The following FBXL17 variants were observed in gnomAD, a reference collection of about 807,000 sequenced individuals.
The protein encoded by FBXL17 is F-box/LRR-repeat protein 17.
FBXL17 carries 22 observed loss-of-function variants against 66.2 expected under a neutral mutation model. That is an observed-to-expected ratio of 0.33 (90% confidence interval 0.24 to 0.47). The LOEUF is 0.47. Ranked by LOEUF, FBXL17 falls within the 20% of genes least tolerant of loss-of-function variation. FBXL17 has a pLI of 1.00. For missense variants in FBXL17, 878 were observed against 948.2 expected, an observed-to-expected ratio of 0.93 and a Z score of 0.97; for synonymous variants, 474 against 400.5, an observed-to-expected ratio of 1.18 and a Z score of -2.19.
chr5:108,371,653 C>A lies in FBXL17; in HGVS notation c.994-3700G>T, dbSNP rs78497549. Among the ~76,000 whole-genome samples, 851 of 151,850 alleles carry A rather than the reference C, an allele frequency of 5.6e-3. 26 individuals carry two copies. In the East Asian group the frequency reaches 0.099, roughly 18 times the overall value. On this transcript the variant is annotated intron_variant, in intron 1 of 8. Coordinates refer to ENST00000542267, the MANE Select transcript of FBXL17 (RefSeq NM_001163315.3). ...TCACAGAGCTAAAGAAAACCGTGGACAAAGAACTAAAGGAAATTATGAGAA... is the reference window on the plus strand; with the variant it reads ...TCACAGAGCTAAAGAAAACCGTGGAAAAAGAACTAAAGGAAATTATGAGAA...
chr5:108,357,585 T>C (rs561606491), intron 3 of FBXL17, among the ~76,000 whole-genome samples: 1 of 152,118 alleles, frequency 6.6e-6, no homozygotes, highest in Non-Finnish European at 1.5e-5. Context: ...TTCCAGGCCA[T>C]AAAACACACA....
chr5:108,021,907 T>C (rs1003288607), intron 6 of FBXL17, among the ~76,000 whole-genome samples: 7 of 151,836 alleles, frequency 4.6e-5, no homozygotes, highest in African/African-American at 9.7e-5. Context: ...TTCTAGGAAG[T>C]AAGGATCAAG....
chr5:108,281,723 A>G (rs1378728488), intron 4 of FBXL17, among the ~76,000 whole-genome samples: 1 of 151,904 alleles, frequency 6.6e-6, no homozygotes, highest in East Asian at 1.9e-4. Context: ...TAAAAAATAC[A>G]AAGGATCAAC....
Position 108,136,400 on chromosome 5 carries a change from G to C in FBXL17, c.1745+49717C>G, listed in dbSNP as rs117845664. Among the ~76,000 whole-genome samples, 109 of 152,232 alleles carry C rather than the reference G, an allele frequency of 7.2e-4. No individual in the cohort carries two copies. The East Asian group carries it at 0.02, about 29-fold the overall frequency. The stretch of plus-strand genomic sequence containing the variant: ...CCAAAACCAACAAGTCACAATGATA[G>C]CAAGTTTCTGTAATACATTTCTGGG... On this transcript the variant is annotated intron_variant, in intron 6 of 8. Coordinates refer to ENST00000542267, the MANE Select transcript of FBXL17 (RefSeq NM_001163315.3).
intron 7 of FBXL17, among the ~76,000 whole-genome samples, chr5:107,997,139 G>A (rs893311137): frequency 2.0e-5 from 3 of 152,080 alleles, no homozygotes; most frequent in Non-Finnish European, 4.4e-5. Flanking sequence ...ACATCGTAGC[G>A]GAAAGTTTAG....
chr5:108,345,759 C>T (rs1257989098), intron 4 of FBXL17, among the ~76,000 whole-genome samples: 1 of 151,916 alleles, frequency 6.6e-6, no homozygotes, highest in Non-Finnish European at 1.5e-5. Flanking sequence ...AAAGACAATG[C>T]TGCCATCTAA....
chr5:108,287,001 A>G (rs975130698), intron 4 of FBXL17, among the ~76,000 whole-genome samples: 1 of 152,062 alleles, frequency 6.6e-6, no homozygotes, highest in Non-Finnish European at 1.5e-5. Context: ...CTAATCTTCA[A>G]CAAAGTCAAC....
intron 4 of FBXL17, among the ~76,000 whole-genome samples, chr5:108,318,076 C>A (rs1402746699): frequency 3.3e-5 from 5 of 151,422 alleles, no homozygotes; most frequent in Non-Finnish European, 7.4e-5. Context: ...CTAAAAAAAA[C>A]TATAAACATT....
In FBXL17 at chr5:108,381,560, C is replaced by T. The variant is rs1216473537; in HGVS notation, c.132G>A (p.Gln44=). The T allele has an allele frequency of 4.2e-6, 6 of 1,435,202 alleles. No individual in the cohort carries two copies. The highest frequency in any genetic ancestry group is 3.0e-5 in the East Asian group (1 of 33,840). The allele number at this position is 1,435,202 out of a possible 1,614,324, so 88.9% of individuals were successfully genotyped here. A position where few individuals can be genotyped will look rare whatever the true frequency, so the allele number is the denominator to read the frequency against. The change falls in exon 1 of 9, where the codon CAG becomes CAA. Residue 44 remains glutamine, a synonymous_variant. Coordinates refer to ENST00000542267, the MANE Select transcript of FBXL17 (RefSeq NM_001163315.3). ...PRRTPAKVPP[Q]PAAPRSRDCF... is the part of the protein sequence containing the mutation. ...AGTCCCGGCTCCGGGGCGCCGCCGG[C>T]TGAGGGGGCACCTTGGCTGGGGTCC...
Position 108,381,053 on chromosome 5 carries a change from G to T in FBXL17, c.639C>A (p.Pro213=). 2 of 1,215,552 alleles carry T rather than the reference G, an allele frequency of 1.6e-6. No homozygotes were observed. Among genetic ancestry groups the T allele is most frequent in the Non-Finnish European group, 2.0e-6 (2 of 978,136 alleles). 75.3% of individuals were successfully genotyped at this position (1,215,552 alleles called of 1,614,324 possible). A position where few individuals can be genotyped will look rare whatever the true frequency, so the allele number is the denominator to read the frequency against. The part of the protein sequence containing the change: ...GVPACTPCKQ[P]RCGGGGCGGG... ...CGCCGCAGCCCCCGCCGCCGCAGCG[G>T]GGCTGCTTGCAGGGGGTGCAGGCGG... is the stretch of plus-strand genomic sequence containing the variant. Residue 213 remains proline (P), a synonymous_variant, in exon 1 of 9, where the codon CCC becomes CCA. Transcript: ENST00000542267.
chr5:108,270,498 A>C (rs1485671606), intron 4 of FBXL17, among the ~76,000 whole-genome samples: 1 of 149,928 alleles, frequency 6.7e-6, no homozygotes, highest in African/African-American at 2.4e-5. Flanking sequence ...CATATTTAGC[A>C]ACAATTGTAA....
intron 6 of FBXL17, among the ~76,000 whole-genome samples, chr5:108,180,922 T>C (rs552609305): frequency 6.6e-4 from 101 of 152,276 alleles, no homozygotes; most frequent in African/African-American, 2.3e-3. Context: ...TAGGATTAAA[T>C]AAACTAAGTT....
intron 6 of FBXL17, among the ~76,000 whole-genome samples, chr5:108,060,666 T>C (rs985883359): frequency 1.2e-4 from 19 of 152,110 alleles, no homozygotes; most frequent in African/African-American, 4.6e-4. Flanking sequence ...TCAGTTCCCA[T>C]AGAACTCTCT....
chr5:107,866,227 G>A (rs908697847), intron 8 of FBXL17, among the ~76,000 whole-genome samples: 2 of 151,980 alleles, frequency 1.3e-5, no homozygotes, highest in African/African-American at 2.4e-5. Context: ...GAAATATGCC[G>A]CACTGTCATT....
intron 4 of FBXL17, among the ~76,000 whole-genome samples, chr5:108,307,043 G>A (rs998483330): frequency 1.3e-5 from 2 of 151,900 alleles, no homozygotes; most frequent in Non-Finnish European, 2.9e-5. Flanking sequence ...GTAATAGTCT[G>A]AAATCATCAG....
intron 4 of FBXL17, among the ~76,000 whole-genome samples, chr5:108,303,451 A>G (rs1234159579): frequency 1.3e-5 from 2 of 151,626 alleles, no homozygotes; most frequent in African/African-American, 2.4e-5. Flanking sequence ...TGGTCTTCCA[A>G]TTTAAGACTA....
intron 3 of FBXL17, among the ~76,000 whole-genome samples, chr5:108,353,472 T>A (rs1030492784): frequency 6.6e-6 from 1 of 152,216 alleles, no homozygotes; most frequent in Non-Finnish European, 1.5e-5. Context: ...ACAGGAGCTC[T>A]ACCAGGTCTT....
intron 1 of FBXL17, among the ~76,000 whole-genome samples, chr5:108,373,318 A>AT (rs1749181427): frequency 1.6e-5 from 2 of 127,640 alleles, no homozygotes; most frequent in Non-Finnish European, 3.2e-5. Context: ...AAATATATTA[A>AT]ATTTTTATTA....
chr5:108,343,021 T>C (rs1166235413), intron 4 of FBXL17, among the ~76,000 whole-genome samples: 1 of 152,082 alleles, frequency 6.6e-6, no homozygotes, highest in Admixed American at 6.6e-5. Context: ...CTTTATAAAA[T>C]AGAACACAGG....
Sources: allele counts gnomAD v4.1 joint callset (sites outside exome capture counted in the v4.1 genomes callset), GRCh38; gene constraint gnomAD v4.1.1; transcripts MANE v1.5; gene names NCBI Gene and HGNC (gene_info 2026-07-23, HGNC 2026-07-21).